SDK1: variants seen among roughly 807,000 people sequenced by gnomAD.
SDK1 encodes sidekick cell adhesion molecule 1.
A neutral mutation model predicts 245.5 loss-of-function variants in SDK1; 157 were observed. That is an observed-to-expected ratio of 0.64 (90% CI 0.56 to 0.73). The LOEUF is 0.73. Among genes scored for constraint, SDK1 ranks in the 30% least tolerant of loss-of-function variants. The probability of loss-of-function intolerance (pLI) is 0.00; values close to 1 mark genes in which losing one functional copy is unlikely to be tolerated. For synonymous variants in SDK1, 1,647 were observed against 1,278.5 expected (o/e 1.29, Z -6.15); for missense variants, 3,583 against 3,002.3 (o/e 1.19, Z -4.52).
intron 42 of SDK1, 139 bp from the exon 43 acceptor site, chr7:4,241,654 A>G: frequency 1.0e-6 from 1 of 985,550 alleles, no homozygotes; most frequent in South Asian, 1.6e-5. Flanking sequence ...CCCTAAGCAC[A>G]GCTGAAGCAG....
At chr7:3,349,183 C>T (rs1397482553) in intron 1 of SDK1, among the ~76,000 whole-genome samples, 2 of 102,522 alleles carry the variant, frequency 2.0e-5, no homozygotes. Context: ...CCTGTGGTTG[C>T]AGTTTAAAAA....
At chr7:3,956,942 A>G (rs894478301) in intron 7 of SDK1, among the ~76,000 whole-genome samples, 4 of 152,188 alleles carry the variant, frequency 2.6e-5, no homozygotes, top group Non-Finnish European at 5.9e-5. Flanking sequence ...ACCAGGCGAC[A>G]ACGGTAATCA....
chr7:3,404,033 C>A (rs1053508193), intron 1 of SDK1, among the ~76,000 whole-genome samples: 7 of 150,884 alleles, frequency 4.6e-5, no homozygotes, highest in Admixed American at 2.6e-4. Flanking sequence ...ATTTTGTAGT[C>A]TGTTAAGTGA....
chr7:3,728,321 A>G (rs1394978396), intron 4 of SDK1, among the ~76,000 whole-genome samples: 1 of 152,204 alleles, frequency 6.6e-6, no homozygotes, highest in Non-Finnish European at 1.5e-5. Flanking sequence ...CCTTCTGGGT[A>G]TCTTCTCTTA....
chr7:3,509,838 A>G (rs368983954), intron 1 of SDK1, among the ~76,000 whole-genome samples: 26 of 152,196 alleles, frequency 1.7e-4, no homozygotes, highest in Admixed American at 5.2e-4. Context: ...AGTCTAAATT[A>G]TAGAGAATGG....
At chr7:3,704,189 G>T (rs188447785) in intron 4 of SDK1, among the ~76,000 whole-genome samples, 1 of 151,978 alleles carries the variant, frequency 6.6e-6, no homozygotes, top group East Asian at 1.9e-4. Context: ...ATGGCCTTCA[G>T]CTCCATTCAA....
At chr7:3,415,702 A>G (rs1465798511) in intron 1 of SDK1, among the ~76,000 whole-genome samples, 2 of 149,656 alleles carry the variant, frequency 1.3e-5, no homozygotes, top group African/African-American at 2.4e-5. Context: ...CCATATATTT[A>G]TATATAAATT....
intron 1 of SDK1, among the ~76,000 whole-genome samples, chr7:3,575,504 G>A (rs1780257209): frequency 6.6e-6 from 1 of 151,934 alleles, no homozygotes; most frequent in Non-Finnish European, 1.5e-5. Context: ...CTAAAAGAAT[G>A]CATTTTAACA....
chr7:3,510,669 A>G (rs1037000464), intron 1 of SDK1, among the ~76,000 whole-genome samples: 1 of 152,120 alleles, frequency 6.6e-6, no homozygotes, highest in African/African-American at 2.4e-5. Flanking sequence ...CTTGGCTAGC[A>G]AAGGTGGTCT....
chr7:4,171,266 A>G (rs1781821442), intron 32 of SDK1, among the ~76,000 whole-genome samples: 1 of 152,182 alleles, frequency 6.6e-6, no homozygotes, highest in Non-Finnish European at 1.5e-5. Flanking sequence ...AGAGACCCTC[A>G]TCTGTGCTGG....
chr7:3,393,278 T>G (rs1457056159), intron 1 of SDK1, among the ~76,000 whole-genome samples: 2 of 152,042 alleles, frequency 1.3e-5, no homozygotes, highest in Admixed American at 6.6e-5. Flanking sequence ...GGCCCCTATT[T>G]TCAGTTCTTT....
At chr7:3,423,085 T>A (rs576721460) in intron 1 of SDK1, among the ~76,000 whole-genome samples, 1 of 152,334 alleles carries the variant, frequency 6.6e-6, no homozygotes, top group African/African-American at 2.4e-5. Flanking sequence ...GTCTAGGGAA[T>A]AATCCTAATC....
At chr7:4,173,731 G>A (rs613873) in intron 32 of SDK1, among the ~76,000 whole-genome samples, 21,712 of 152,198 alleles carry the variant, frequency 0.14, 1,702 homozygotes, top group African/African-American at 0.18. Context: ...GACTGAGTCC[G>A]GCACAGTGGG....
chr7:4,058,332 A>G (rs780836196), intron 19 of SDK1, among the ~76,000 whole-genome samples: 2 of 152,178 alleles, frequency 1.3e-5, no homozygotes, highest in African/African-American at 2.4e-5. Context: ...TTAAAGTTGA[A>G]TAAAGACTAT....
chr7:3,941,518 G>T (rs1455535049), intron 5 of SDK1, among the ~76,000 whole-genome samples: 1 of 151,942 alleles, frequency 6.6e-6, no homozygotes, highest in East Asian at 1.9e-4. Context: ...GGCCAAACGG[G>T]TTCCCTCCTT....
intron 44 of SDK1, among the ~76,000 whole-genome samples, chr7:4,249,455 T>G (rs190358127): frequency 6.6e-6 from 1 of 152,324 alleles, no homozygotes; most frequent in Non-Finnish European, 1.5e-5. Flanking sequence ...TCATGGTTCC[T>G]AGTGCCTTTT....
chr7:3,475,531 C>T (rs896282787), intron 1 of SDK1, among the ~76,000 whole-genome samples: 2 of 152,180 alleles, frequency 1.3e-5, no homozygotes, highest in Non-Finnish European at 2.9e-5. Context: ...TTTTCTTTTT[C>T]CTCTAACGTC....
chr7:3,723,663 T>A (rs1313182998), intron 4 of SDK1, among the ~76,000 whole-genome samples: 1 of 149,598 alleles, frequency 6.7e-6, no homozygotes, highest in Admixed American at 6.6e-5. Context: ...AAAAGTTGTG[T>A]GTGTGTGTGT....
intron 4 of SDK1, among the ~76,000 whole-genome samples, chr7:3,742,622 A>G (rs1165787979): frequency 6.6e-6 from 1 of 152,192 alleles, no homozygotes; most frequent in African/African-American, 2.4e-5. Context: ...TTTTCCAAAT[A>G]GTATAAAAGC....
Sources: allele counts gnomAD v4.1 joint callset (sites outside exome capture counted in the v4.1 genomes callset), GRCh38; gene constraint gnomAD v4.1.1; transcripts MANE v1.5; gene names NCBI Gene and HGNC (gene_info 2026-07-23, HGNC 2026-07-21).